Variants in TAB2 observed in about 807,000 individuals in gnomAD.
TAB2 encodes TGF-beta activated kinase 1 (MAP3K7) binding protein 2.
In TAB2, 3 loss-of-function variants were observed where a neutral mutation model predicts 65.0. The ratio of observed to expected loss-of-function variants is 0.05; its 90% confidence interval spans 0.02 to 0.12. The LOEUF (loss-of-function observed/expected upper bound fraction) is 0.12, where lower values mean the gene tolerates loss of function less well. Among genes scored for constraint, TAB2 ranks in the 10% least tolerant of loss-of-function variants. The pLI, the probability that TAB2 is intolerant of heterozygous loss-of-function variation, is 1.00. For missense variants in TAB2, 623 were observed against 840.3 expected, an observed-to-expected ratio of 0.74 and a Z score of 3.20; for synonymous variants, 298 against 285.1, an observed-to-expected ratio of 1.05 and a Z score of -0.46.
At chr6:149,353,825 C>A (rs887881194) in intron 1 of TAB2, among the ~76,000 whole-genome samples, 8 of 152,180 alleles carry the variant, frequency 5.3e-5, no homozygotes, top group African/African-American at 1.9e-4. Flanking sequence ...AACTTTTCTT[C>A]AGGTGTATAT....
At chr6:149,388,414 G>A (rs1170539117) in intron 3 of TAB2, among the ~76,000 whole-genome samples, 3 of 152,214 alleles carry the variant, frequency 2.0e-5, no homozygotes, top group Non-Finnish European at 4.4e-5. Context: ...TGTGGGGAAG[G>A]ACACTAATGA....
intron 6 of TAB2, among the ~76,000 whole-genome samples, chr6:149,403,293 C>CATATATATATATATATAT (rs769018737): frequency 1.6e-5 from 1 of 61,852 alleles, no homozygotes; most frequent in Non-Finnish European, 2.9e-5. Flanking sequence ...TACACACACA[C>CATATATATATATATATAT]ACATATATAT....
upstream of TAB2, among the ~76,000 whole-genome samples, chr6:149,316,802 T>C (rs750558997): frequency 3.9e-5 from 6 of 152,138 alleles, no homozygotes; most frequent in Non-Finnish European, 8.8e-5. Context: ...GATTTCTTTT[T>C]TCCCCCTCAA....
At chr6:149,228,756 G>A (rs887212545) in intron 1 of TAB2, among the ~76,000 whole-genome samples, 12 of 152,192 alleles carry the variant, frequency 7.9e-5, no homozygotes, top group Non-Finnish European at 1.5e-4. Flanking sequence ...AAATGTGTTC[G>A]GTTTAAGAGT....
At chr6:149,254,059 GAGGAAGGA>G (rs202028741) in intron 1 of TAB2, among the ~76,000 whole-genome samples, 9,726 of 103,594 alleles carry the variant, frequency 0.094, 512 homozygotes, top group Non-Finnish European at 0.11. Context: ...GGGAGAGAGG[GAGGAAGGA>G]AGGAAGGAAG....
intron 1 of TAB2, among the ~76,000 whole-genome samples, chr6:149,254,444 G>A (rs1777962923): frequency 6.6e-6 from 1 of 152,166 alleles, no homozygotes; most frequent in Admixed American, 6.5e-5. Context: ...CAGGTCATAT[G>A]ACGACTGTTT....
chr6:149,409,888 A>T lies in TAB2; in HGVS notation c.*169A>T. 2 of 738,780 alleles carry T rather than the reference A, an allele frequency of 2.7e-6. No individual in the cohort carries two copies. Among genetic ancestry groups the T allele is most frequent in the Non-Finnish European group, 4.5e-6 (2 of 442,672 alleles). 45.8% of individuals were successfully genotyped at this position (738,780 alleles called of 1,614,324 possible). A position where few individuals can be genotyped will look rare whatever the true frequency, so the allele number is the denominator to read the frequency against. On this transcript the variant is annotated 3_prime_UTR_variant, in exon 7 of 7. Transcript: ENST00000637181. ...CCCACAGAGCTAATAATACCTCAGT[A>T]TAATGTCATGAGCAGTTGAAATTCA...
At chr6:149,327,459 G>A (rs11155641) in intron 1 of TAB2, among the ~76,000 whole-genome samples, 57,060 of 152,076 alleles carry the variant, frequency 0.38, 13,235 homozygotes, top group Middle Eastern at 0.57. Flanking sequence ...ATGCCACTGA[G>A]CCTGGCAACT....
rs890317504 is a variant in TAB2, at chr6:149,332,163, C to CT, written c.-90+14156dup. ...AAGTTTAGACTGAGCAATCAGGAGCCTTTTTTTTGGATGTGTTAACTTTGA... is the reference window on the plus strand; with the variant it reads ...AAGTTTAGACTGAGCAATCAGGAGCCTTTTTTTTTGGATGTGTTAACTTTGA... On this transcript the variant is annotated intron_variant, in intron 1 of 6. Transcript: ENST00000637181. 1.5e-4 allele frequency among the ~76,000 whole-genome samples: 23 copies of CT among 151,916 alleles called. No homozygotes were observed. In the South Asian group the frequency reaches 2.1e-3, roughly 14 times the overall value.
intron 6 of TAB2, among the ~76,000 whole-genome samples, chr6:149,403,578 T>A (rs2114964429): frequency 6.6e-6 from 1 of 151,798 alleles, no homozygotes; most frequent in East Asian, 1.9e-4. Flanking sequence ...TACCTGAGGC[T>A]TGGTAATTTA....
At chr6:149,388,436 T>A (rs1025831037) in intron 3 of TAB2, among the ~76,000 whole-genome samples, 1 of 152,192 alleles carries the variant, frequency 6.6e-6, no homozygotes, top group African/African-American at 2.4e-5. Flanking sequence ...TGCCAATAAA[T>A]GTTGCCAATT....
intron 1 of TAB2, chr6:149,245,049 C>T (rs1310732376): frequency 6.6e-6 from 1 of 152,174 alleles, no homozygotes; most frequent in African/African-American, 2.4e-5. Flanking sequence ...CAAGCAGCTA[C>T]CTTGGGGCTG....
intron 6 of TAB2, among the ~76,000 whole-genome samples, chr6:149,402,224 A>G (rs927644102): frequency 6.6e-5 from 10 of 152,106 alleles, no homozygotes; most frequent in African/African-American, 2.4e-4. Flanking sequence ...AGACAAAATC[A>G]GAAATGAAAA....
intron 2 of TAB2, among the ~76,000 whole-genome samples, chr6:149,374,469 G>A (rs1324063826): frequency 6.6e-6 from 1 of 152,124 alleles, no homozygotes; most frequent in African/African-American, 2.4e-5. Context: ...CGATCATCCC[G>A]CCTTGGCCTC....
At chr6:149,277,518 A>T (rs181720053) in intron 1 of TAB2, among the ~76,000 whole-genome samples, 318 of 152,294 alleles carry the variant, frequency 2.1e-3, no homozygotes, top group Middle Eastern at 0.014. Flanking sequence ...AGACAAACCA[A>T]ATATTAACAC....
At chr6:149,349,365 A>G (rs1414923033) in intron 1 of TAB2, among the ~76,000 whole-genome samples, 1 of 149,954 alleles carries the variant, frequency 6.7e-6, no homozygotes, top group Non-Finnish European at 1.5e-5. Context: ...GGTTGCAATG[A>G]GCCGAGATCA....
At chr6:149,371,505 T>C (rs1363584989) in intron 2 of TAB2, among the ~76,000 whole-genome samples, 2 of 152,206 alleles carry the variant, frequency 1.3e-5, no homozygotes, top group Non-Finnish European at 2.9e-5. Context: ...CCTTTTCTTA[T>C]AGTATAATGG....
At chr6:149,234,669 C>T (rs987801522) in intron 1 of TAB2, among the ~76,000 whole-genome samples, 2 of 152,044 alleles carry the variant, frequency 1.3e-5, no homozygotes, top group African/African-American at 2.4e-5. Context: ...AAATAGAGTG[C>T]AGTTAGGTTG....
intron 1 of TAB2, among the ~76,000 whole-genome samples, chr6:149,279,944 A>C (rs1446561): frequency 0.53 from 81,340 of 152,118 alleles, 24,601 homozygotes; most frequent in African/African-American, 0.83. Flanking sequence ...GTTTGACCTC[A>C]TGCCTGCCTT....
Sources: allele counts gnomAD v4.1 joint callset (sites outside exome capture counted in the v4.1 genomes callset), GRCh38; gene constraint gnomAD v4.1.1; transcripts MANE v1.5; gene names NCBI Gene and HGNC (gene_info 2026-07-23, HGNC 2026-07-21).